The following VAV1 variants were observed in gnomAD, a reference collection of about 807,000 sequenced individuals.
VAV1 encodes the protein vav guanine nucleotide exchange factor 1.
VAV1 carries 33 observed loss-of-function variants against 128.1 expected under a neutral mutation model. The observed-to-expected ratio is 0.26, with a 90% CI of 0.20 to 0.34. VAV1 has a LOEUF of 0.34. Ranked by LOEUF, VAV1 falls within the 10% of genes least tolerant of loss-of-function variation. The pLI, the probability that VAV1 is intolerant of heterozygous loss-of-function variation, is 1.00. For synonymous variants in VAV1, 394 were observed against 409.8 expected (o/e 0.96, Z 0.47); for missense variants, 715 against 1,093.7 (o/e 0.65, Z 4.88).
chr19:6,847,963 A>G (rs331680), intron 22 of VAV1, 35 bp from the exon 23 acceptor site: 283,930 of 1,442,898 alleles, frequency 0.2, 37,446 homozygotes, highest in African/African-American at 0.65. Flanking sequence ...AGGCACGGGG[A>G]CCGTGCCACC....
At chr19:6,802,942 G>A (rs1599637120) in intron 1 of VAV1, among the ~76,000 whole-genome samples, 1 of 152,180 alleles carries the variant, frequency 6.6e-6, no homozygotes, top group South Asian at 2.1e-4. Context: ...ACCCAAAGGA[G>A]TTGAACATTT....
intron 1 of VAV1, among the ~76,000 whole-genome samples, chr19:6,806,926 T>C (rs527693346): frequency 6.6e-6 from 1 of 152,378 alleles, no homozygotes; most frequent in South Asian, 2.1e-4. Context: ...AACTTGTTTC[T>C]GCTCTCATGG....
intron 1 of VAV1, among the ~76,000 whole-genome samples, chr19:6,819,296 G>GTCCTAAAAACTAGAAATGAGCGA (rs1971731393): frequency 6.6e-6 from 1 of 152,046 alleles, no homozygotes; most frequent in Non-Finnish European, 1.5e-5. Flanking sequence ...TGAATATCCA[G>GTCCTAAAAACTAGAAATGAGCGA]TCCTAAAAAC....
chr19:6,850,427 A>G (rs1275367770), intron 23 of VAV1, among the ~76,000 whole-genome samples: 1 of 150,688 alleles, frequency 6.6e-6, no homozygotes, highest in East Asian at 1.9e-4. Flanking sequence ...TCTTTACAAG[A>G]TCTTACTGAC....
Position 6,814,690 on chromosome 19 carries a change from T to TCTCTCTC in VAV1, c.205-6012_205-6011insCTCTCTC, listed in dbSNP as rs1568299311. ...TTCCTTCCTTTCTTTCTTTCTTTCTTTCTTTCTTTCTTTCTTTCTTTCTTT... is the reference window on the plus strand; with the variant it reads ...TTCCTTCCTTTCTTTCTTTCTTTCTTCTCTCTCTCTTTCTTTCTTTCTTTCTTTCTTT... On this transcript the variant is annotated intron_variant, in intron 1 of 26. Transcript: ENST00000602142. Among the ~76,000 whole-genome samples, 36 of 123,214 alleles carry TCTCTCTC rather than the reference T, an allele frequency of 2.9e-4. 2 individuals carry two copies. Among genetic ancestry groups the TCTCTCTC allele is most frequent in the African/African-American group, 1.3e-3 (35 of 27,152 alleles). 80.8% of individuals were successfully genotyped at this position (123,214 alleles called of 152,430 possible).
chr19:6,850,225 G>GTTTTTTTTTTTTTTTTTT (rs760967154), intron 23 of VAV1, among the ~76,000 whole-genome samples: 3 of 49,050 alleles, frequency 6.1e-5, no homozygotes, highest in Admixed American at 2.3e-4. Flanking sequence ...TTGTTTCTTT[G>GTTTTTTTTTTTTTTTTTT]TTTTTTTTTT....
intron 15 of VAV1, 138 bp from the exon 16 acceptor site, chr19:6,833,046 A>T (rs1972124235): frequency 1.8e-5 from 13 of 736,396 alleles, no homozygotes; most frequent in Non-Finnish European, 2.6e-5. Flanking sequence ...CCAAAGGGTG[A>T]AAACGACCCA....
chr19:6,783,731 G>A (rs766794586), intron 1 of VAV1, among the ~76,000 whole-genome samples: 3 of 152,036 alleles, frequency 2.0e-5, no homozygotes, highest in African/African-American at 4.8e-5. Flanking sequence ...GCCTCCCAAA[G>A]TGCTGGGATT....
chr19:6,797,371 T>C (rs1000758310), intron 1 of VAV1, among the ~76,000 whole-genome samples: 2 of 152,030 alleles, frequency 1.3e-5, no homozygotes, highest in Non-Finnish European at 2.9e-5. Context: ...TTACAAAGAA[T>C]ACAAATTTAT....
chr19:6,815,318 T>G (rs749824961), intron 1 of VAV1, among the ~76,000 whole-genome samples: 28 of 152,008 alleles, frequency 1.8e-4, no homozygotes, highest in Non-Finnish European at 3.8e-4. Context: ...ATTTTTGTAT[T>G]TTTTGCAGAG....
At chr19:6,792,556 G>T (rs567360971) in intron 1 of VAV1, among the ~76,000 whole-genome samples, 1 of 147,572 alleles carries the variant, frequency 6.8e-6, no homozygotes, top group Non-Finnish European at 1.5e-5. Context: ...CTAGCACATG[G>T]TTCTTTTTTC....
At chr19:6,787,320 T>G (rs1003820884) in intron 1 of VAV1, among the ~76,000 whole-genome samples, 1 of 151,984 alleles carries the variant, frequency 6.6e-6, no homozygotes, top group African/African-American at 2.4e-5. Flanking sequence ...GGACTACAGG[T>G]GCACACCACA....
chr19:6,848,104 A>G lies in VAV1; in HGVS notation c.2119A>G (p.Ile707Val), dbSNP rs753331935. 2.9e-5 allele frequency: 45 copies of G among 1,552,888 alleles called. No homozygotes were observed. Among genetic ancestry groups the G allele is most frequent in the Non-Finnish European group, 3.6e-5 (42 of 1,156,480 alleles). The change falls in exon 23 of 27, where the codon ATC becomes GTC. Residue 707 changes from isoleucine to valine, a missense_variant. Ile to Val is a conservative substitution (Grantham distance 29, BLOSUM62 3). This residue lies in a region of VAV1 where 407 missense variants were observed against 580.6 expected (regional missense o/e 0.70). Transcript: ENST00000602142. The part of the protein sequence containing the change: ...QRVKDAAEFA[I>V]SIKYNVEVKH... ...GGTGAAGGATGCAGCAGAATTTGCC[A>G]TCAGCATTAAGTAACTCCTTTCTCC...
intron 1 of VAV1, among the ~76,000 whole-genome samples, chr19:6,785,848 TGG>T (rs1568284024): frequency 2.7e-5 from 4 of 150,788 alleles, no homozygotes; most frequent in Non-Finnish European, 5.9e-5. Flanking sequence ...TTAGTAGAGA[TGG>T]GGTTTCACCA....
chr19:6,777,283 A>G lies in VAV1; in HGVS notation c.204+4272A>G, dbSNP rs924702284. Among the ~76,000 whole-genome samples the G allele has an allele frequency of 1.3e-4, 20 of 148,442 alleles. No homozygotes were observed. The highest frequency in any genetic ancestry group is 5.0e-4 in the African/African-American group (20 of 40,180). On this transcript the variant is annotated intron_variant, in intron 1 of 26. Coordinates refer to ENST00000602142, the MANE Select transcript of VAV1 (RefSeq NM_005428.4). This position sits in a 1 kb window ranked among gnomAD's most constrained non-coding sequence, Gnocchi z 4.4. Reference sequence around the variant, plus strand: ...CATCCATCCATCCATCCATCCATCCATCCAGCAATGACAAGGTCTGCCAGG... The same window carrying G: ...CATCCATCCATCCATCCATCCATCCGTCCAGCAATGACAAGGTCTGCCAGG...
Position 6,787,150 on chromosome 19 carries a change from A to ATC in VAV1, c.204+14151_204+14152dup, listed in dbSNP as rs112036295. 7.0e-3 allele frequency among the ~76,000 whole-genome samples: 1,036 copies of ATC among 147,928 alleles called. 10 individuals are homozygous for ATC. Among genetic ancestry groups the ATC allele is most frequent in the African/African-American group, 0.025 (993 of 39,940 alleles). ...CCTCCTCCCCACCCTTGGTCTTTCC[A>ATC]TCTCTCTCTCTCTATTTTTTGTTTG... On this transcript the variant is annotated intron_variant, in intron 1 of 26. Transcript: ENST00000602142.
At chr19:6,809,326 C>T (rs1410226513) in intron 1 of VAV1, among the ~76,000 whole-genome samples, 2 of 152,124 alleles carry the variant, frequency 1.3e-5, no homozygotes, top group Non-Finnish European at 1.5e-5. Context: ...TCCCACCCCA[C>T]CCAATCCTCC....
intron 20 of VAV1, 69 bp downstream of exon 20, chr19:6,836,637 A>C: frequency 1.9e-6 from 3 of 1,583,534 alleles, no homozygotes; most frequent in Non-Finnish European, 2.6e-6. Context: ...ATGTGGTCTC[A>C]GGGAGTTGGG....
At chr19:6,807,207 A>T (rs1971414552) in intron 1 of VAV1, among the ~76,000 whole-genome samples, 1 of 152,098 alleles carries the variant, frequency 6.6e-6, no homozygotes, top group African/African-American at 2.4e-5. Flanking sequence ...TATTTCTATT[A>T]TTATTACATT....
Sources: gnomAD v4.1 joint callset for allele counts (sites outside exome capture counted in the v4.1 genomes callset) on GRCh38, gnomAD v4.1.1 for gene constraint, gnomAD v4.1.1 regional missense constraint, Gnocchi (gnomAD v3.1) non-coding constraint, MANE v1.5 for transcripts, NCBI Gene and HGNC (gene_info 2026-07-23, HGNC 2026-07-21) for gene names.